The following LIFR variants were observed in gnomAD, a reference collection of about 807,000 sequenced individuals.
The protein encoded by LIFR is leukemia inhibitory factor receptor.
In LIFR, 84 loss-of-function variants were observed where a neutral mutation model predicts 122.2. The ratio of observed to expected loss-of-function variants is 0.69; its 90% CI spans 0.58 to 0.82. The LOEUF (loss-of-function observed/expected upper bound fraction) is 0.82, where lower values mean the gene tolerates loss of function less well. Ranked by LOEUF, LIFR falls within the 40% of genes least tolerant of loss-of-function variation. The pLI, the probability that LIFR is intolerant of heterozygous loss-of-function variation, is 0.00. For synonymous variants in LIFR, 422 were observed against 434.7 expected, an observed-to-expected ratio of 0.97 and a Z score of 0.36; for missense variants, 1,294 against 1,311.6, an observed-to-expected ratio of 0.99 and a Z score of 0.21.
intron 2 of LIFR, among the ~76,000 whole-genome samples, chr5:38,601,104 T>C (rs1193926282): frequency 6.6e-6 from 1 of 152,150 alleles, no homozygotes; most frequent in Non-Finnish European, 1.5e-5. Flanking sequence ...TAGTAGAAAG[T>C]GGGGTCTTTG....
chr5:38,527,158 C>T lies in LIFR; in HGVS notation c.394G>A (p.Val132Ile), dbSNP rs890675288. ...GAGTTTGTTTTCAAATACTTACAAACGTTTTGTTCATTTAGTGTGAATTTA... is the reference window on the plus strand; with the variant it reads ...GAGTTTGTTTTCAAATACTTACAAATGTTTTGTTCATTTAGTGTGAATTTA... ...TSKFTLNEQNVSLIPDTPEIL... is the reference protein window; with the variant it reads ...TSKFTLNEQNISLIPDTPEIL... The change falls in exon 4 of 20, where the codon GTT (valine) becomes ATT (isoleucine). Residue 132 changes from valine to isoleucine, a missense_variant. Coordinates refer to ENST00000453190, the MANE Select transcript of LIFR (RefSeq NM_001127671.2). The T allele has an allele frequency of 3.8e-6, 6 of 1,591,468 alleles. No individual in the cohort carries two copies. Among genetic ancestry groups the T allele is most frequent in the Non-Finnish European group, 2.6e-6 (3 of 1,162,170 alleles).
At chr5:38,560,418 T>C (rs1307432578), upstream of LIFR, among the ~76,000 whole-genome samples, 1 of 152,134 alleles carries the variant, frequency 6.6e-6, no homozygotes, top group African/African-American at 2.4e-5. Flanking sequence ...GGAATGCTAT[T>C]TGAGAGACAT....
intron 3 of LIFR, among the ~76,000 whole-genome samples, chr5:38,527,926 T>C (rs1475219839): frequency 6.6e-6 from 1 of 152,224 alleles, no homozygotes; most frequent in East Asian, 1.9e-4. Flanking sequence ...CTGAAAGGAC[T>C]TTCCATGCCT....
intron 1 of LIFR, among the ~76,000 whole-genome samples, chr5:38,591,328 G>A (rs1033135955): frequency 6.6e-6 from 1 of 152,174 alleles, no homozygotes; most frequent in African/African-American, 2.4e-5. Flanking sequence ...GCACATTAAG[G>A]GATCCAGAAT....
intron 14 of LIFR, 34 bp downstream of exon 14, chr5:38,493,572 T>C (rs1744711931): frequency 1.3e-6 from 2 of 1,591,902 alleles, no homozygotes; most frequent in South Asian, 1.1e-5. Flanking sequence ...AAATATTTTG[T>C]AGAACTTAAT....
chr5:38,507,192 A>C (rs1312254569), intron 7 of LIFR, among the ~76,000 whole-genome samples: 2 of 152,022 alleles, frequency 1.3e-5, no homozygotes, highest in African/African-American at 2.4e-5. Flanking sequence ...CTTTATCAAA[A>C]CTGCTCTCCC....
rs199618761 is a variant in LIFR at position 38,526,339 on chromosome 5, G to A, written c.397+816C>T. On this transcript the variant is annotated intron_variant, in intron 4 of 19. Transcript: ENST00000453190. ...GCTTCAGAATGACCCAAATTTTCAG[G>A]TGATTTTAAGAAATGCAGAAATTAA... Among the ~76,000 whole-genome samples the A allele has an allele frequency of 6.6e-5, 10 of 151,796 alleles. No homozygotes were observed. In the East Asian group the frequency reaches 1.9e-3, roughly 29 times the overall value.
chr5:38,536,288 C>T (rs1747292635), intron 1 of LIFR, among the ~76,000 whole-genome samples: 1 of 151,864 alleles, frequency 6.6e-6, no homozygotes, highest in African/African-American at 2.4e-5. Flanking sequence ...ATTCAACCAA[C>T]CTTGGATTGA....
intron 12 of LIFR, among the ~76,000 whole-genome samples, chr5:38,498,574 C>G (rs1480328837): frequency 6.6e-6 from 1 of 152,238 alleles, no homozygotes; most frequent in Non-Finnish European, 1.5e-5. Flanking sequence ...CGAACACACT[C>G]TGACTTGGCA....
intron 1 of LIFR, among the ~76,000 whole-genome samples, chr5:38,583,905 C>T (rs1053108434): frequency 6.6e-6 from 1 of 152,088 alleles, no homozygotes; most frequent in African/African-American, 2.4e-5. Flanking sequence ...AAGGGGTTTC[C>T]CTTTTCCATT....
At chr5:38,591,340 C>T (rs772354011) in intron 1 of LIFR, among the ~76,000 whole-genome samples, 6 of 152,232 alleles carry the variant, frequency 3.9e-5, no homozygotes, top group Non-Finnish European at 7.3e-5. Context: ...ATCCAGAATA[C>T]TGATTTTACT....
At chr5:38,548,288 A>G (rs551202773) in intron 1 of LIFR, among the ~76,000 whole-genome samples, 7 of 152,356 alleles carry the variant, frequency 4.6e-5, no homozygotes, top group Admixed American at 2.0e-4. Flanking sequence ...TCATCACTAA[A>G]TCATTCATGA....
upstream of LIFR, among the ~76,000 whole-genome samples, chr5:38,596,336 T>G (rs940553204): frequency 2.0e-5 from 3 of 152,212 alleles, no homozygotes; most frequent in Non-Finnish European, 2.9e-5. Flanking sequence ...TTTAGCTTCT[T>G]ATGTGATTCT....
chr5:38,483,194 G>A (rs1744090185), intron 18 of LIFR, among the ~76,000 whole-genome samples: 1 of 152,130 alleles, frequency 6.6e-6, no homozygotes, highest in Non-Finnish European at 1.5e-5. Flanking sequence ...GCTGTGCTAA[G>A]AAAAAGGCTA....
chr5:38,583,264 T>C (rs1396913107), intron 1 of LIFR, among the ~76,000 whole-genome samples: 1 of 152,260 alleles, frequency 6.6e-6, no homozygotes, highest in African/African-American at 2.4e-5. Flanking sequence ...ATTTTCATGA[T>C]ACATGGAGAA....
chr5:38,516,973 C>T (rs1310413684), intron 5 of LIFR, among the ~76,000 whole-genome samples: 5 of 151,944 alleles, frequency 3.3e-5, no homozygotes, highest in African/African-American at 9.7e-5. Flanking sequence ...AACCAAACAC[C>T]GCATGTTCTC....
chr5:38,598,724 C>T (rs1460476995), upstream of LIFR, among the ~76,000 whole-genome samples: 1 of 152,136 alleles, frequency 6.6e-6, no homozygotes, highest in African/African-American at 2.4e-5. Flanking sequence ...CAACACTGGG[C>T]TGCTTACCCC....
intron 4 of LIFR, among the ~76,000 whole-genome samples, chr5:38,526,045 AC>A (rs1002734990): frequency 1.6e-4 from 24 of 152,338 alleles, no homozygotes; most frequent in South Asian, 1.0e-3. Flanking sequence ...TTAAAAAGCC[AC>A]TGCTCCCTTT....
At chr5:38,574,073 A>C (rs1450461516) in intron 1 of LIFR, among the ~76,000 whole-genome samples, 1 of 151,978 alleles carries the variant, frequency 6.6e-6, no homozygotes, top group Non-Finnish European at 1.5e-5. Context: ...CCGAGATGGC[A>C]CCACTGCTTT....
Sources: gnomAD v4.1 joint callset for allele counts (sites outside exome capture counted in the v4.1 genomes callset) on GRCh38, gnomAD v4.1.1 for gene constraint, MANE v1.5 for transcripts, NCBI Gene and HGNC (gene_info 2026-07-23, HGNC 2026-07-21) for gene names.